GOLGA8J: variants seen among roughly 807,000 people sequenced by gnomAD.
GOLGA8J encodes golgin A8 family member J.
In GOLGA8J, 19 loss-of-function variants were observed where a neutral mutation model predicts 67.7. That is an observed-to-expected ratio of 0.28 (90% CI 0.20 to 0.41). The LOEUF is 0.41. Ranked by LOEUF, GOLGA8J falls within the 10% of genes least tolerant of loss-of-function variation. The pLI is 1.00. For synonymous variants in GOLGA8J, 69 were observed against 215.9 expected, an observed-to-expected ratio of 0.32 and a Z score of 5.97; for missense variants, 205 against 584.3, an observed-to-expected ratio of 0.35 and a Z score of 6.69.
In GOLGA8J at chr15:30,095,507, C is replaced by T. The variant is rs549485292; in HGVS notation, c.*2008C>T. On this transcript the variant is annotated 3_prime_UTR_variant, in exon 19 of 19. Coordinates refer to ENST00000567927, the MANE Select transcript of GOLGA8J (RefSeq NM_001282472.2). ...ATTAACAGTGGTACGATTTGTAGCCCGTGGGTTTAAAATGCACTTAAAGTC... is the reference window on the plus strand; with the variant it reads ...ATTAACAGTGGTACGATTTGTAGCCTGTGGGTTTAAAATGCACTTAAAGTC... Among the ~76,000 whole-genome samples, 48 of 143,930 alleles carry T rather than the reference C, an allele frequency of 3.3e-4. No individual in the cohort carries two copies. The highest frequency in any genetic ancestry group is 4.8e-4 in the Non-Finnish European group (32 of 66,562). 94.4% of individuals were successfully genotyped at this position (143,930 alleles called of 152,430 possible). A position where few individuals can be genotyped will look rare whatever the true frequency, so the allele number is the denominator to read the frequency against.
chr15:30,084,821 C>T lies in GOLGA8J; in HGVS notation c.99C>T (p.Asn33=). 2 of 1,327,774 alleles carry T rather than the reference C, an allele frequency of 1.5e-6. No individual in the cohort carries two copies. The highest frequency in any genetic ancestry group is 2.8e-5 in the South Asian group (2 of 72,538). 82.2% of individuals were successfully genotyped at this position (1,327,774 alleles called of 1,614,324 possible). A position where few individuals can be genotyped will look rare whatever the true frequency, so the allele number is the denominator to read the frequency against. Residue 33 remains asparagine, a synonymous_variant, in exon 2 of 19, where the codon AAC becomes AAT. Coordinates refer to ENST00000567927, the MANE Select transcript of GOLGA8J (RefSeq NM_001282472.2). ...KNSPRVPAGA[N]RNRKTNGSIP... ...GCCCTAGAGTTCCAGCAGGAGCGAA[C>T]AGGAACAGGAAAACAAATGGCAGTA...
Position 30,089,901 on chromosome 15 carries a change from A to G in GOLGA8J, c.1076A>G (p.Glu359Gly), listed in dbSNP as rs1181027024. 5 of 1,518,002 alleles carry G rather than the reference A, an allele frequency of 3.3e-6. 1 individual carries two copies. Among genetic ancestry groups the G allele is most frequent in the Non-Finnish European group, 3.5e-6 (4 of 1,140,710 alleles). The allele number at this position is 1,518,002 out of a possible 1,614,324, so 94.0% of individuals were successfully genotyped here. Reference protein sequence around the residue: ...RLRKQEERIQEQHKSLQQLAK... With the variant: ...RLRKQEERIQGQHKSLQQLAK... ...CGGAAGCAGGAGGAGAGGATTCAGG[A>G]GCAGCACAAGAGCCTTCAGCAGCTG... The change falls in exon 12 of 19, where the codon GAG becomes GGG. Residue 359 changes from glutamate (E) to glycine (G), a missense_variant. By Grantham distance (98) the Glu-to-Gly change is moderately conservative (BLOSUM62 -2). Transcript: ENST00000567927.
In GOLGA8J at chr15:30,096,077, A is replaced by T. The variant is rs923955631; in HGVS notation, c.*2578A>T. On this transcript the variant is annotated 3_prime_UTR_variant, in exon 19 of 19. Transcript: ENST00000567927. Reference sequence around the variant, plus strand: ...CGAGTATTTGTGCTCTTCCTCATTCAGTATAAGGCAGCTTTCAGTTTGCTT... The same window carrying T: ...CGAGTATTTGTGCTCTTCCTCATTCTGTATAAGGCAGCTTTCAGTTTGCTT... Among the ~76,000 whole-genome samples, 4 of 139,870 alleles carry T rather than the reference A, an allele frequency of 2.9e-5. No homozygotes were observed. Among genetic ancestry groups the T allele is most frequent in the African/African-American group, 1.2e-4 (4 of 33,438 alleles). The allele number at this position is 139,870 out of a possible 152,430, so 91.8% of individuals were successfully genotyped here. A position where few individuals can be genotyped will look rare whatever the true frequency, so the allele number is the denominator to read the frequency against.
rs201313387 is a variant in GOLGA8J at position 30,084,797 on chromosome 15, C to A, written c.75C>A (p.Ser25Arg). Residue 25 changes from serine (S) to arginine (R), a missense_variant, in exon 2 of 19, where the codon AGC becomes AGA. Ser to Arg is a moderately radical substitution (Grantham distance 110). Coordinates refer to ENST00000567927, the MANE Select transcript of GOLGA8J (RefSeq NM_001282472.2). ...TAAAAGAATATTGGCAGAAAAACAG[C>A]CCTAGAGTTCCAGCAGGAGCGAACA... Reference protein sequence around the residue: ...KKLKEYWQKNSPRVPAGANRN... With the variant: ...KKLKEYWQKNRPRVPAGANRN... 767 of 1,215,886 alleles carry A rather than the reference C, an allele frequency of 6.3e-4. 48 individuals are homozygous for A. Among genetic ancestry groups the A allele is most frequent in the South Asian group, 3.4e-3 (235 of 69,462 alleles). The allele number at this position is 1,215,886 out of a possible 1,614,324, so 75.3% of individuals were successfully genotyped here. A position where few individuals can be genotyped will look rare whatever the true frequency, so the allele number is the denominator to read the frequency against.
rs1185033965 is a variant in GOLGA8J at position 30,094,971 on chromosome 15, C to G, written c.*1472C>G. On this transcript the variant is annotated 3_prime_UTR_variant, in exon 19 of 19. Transcript: ENST00000567927. ...TCACAGAGTTATATTTTCTCACAGA[C>G]TTCTTTACAAAGTGAAATATGTTTT... 7.0e-6 allele frequency among the ~76,000 whole-genome samples: 1 copy of G among 142,028 alleles called. No homozygotes were observed. The highest frequency in any genetic ancestry group is 1.5e-5 in the Non-Finnish European group (1 of 66,860). 93.2% of individuals were successfully genotyped at this position (142,028 alleles called of 152,430 possible).
chr15:30,093,208 C>G lies in GOLGA8J; in HGVS notation c.1692C>G (p.Pro564=), dbSNP rs980902455. The change falls in exon 18 of 19, where the codon CCC becomes CCG. Residue 564 remains proline (P), a synonymous_variant. Coordinates refer to ENST00000567927, the MANE Select transcript of GOLGA8J (RefSeq NM_001282472.2). The stretch of plus-strand genomic sequence containing the variant: ...AGCCCGGTCCAGGAGCCCCAGCCCC[C>G]CAGGAGCTTGGGGCTGCAGACAAGC... ...ADEPGPGAPA[P]QELGAADKHG... is the part of the protein sequence containing the mutation. 4 of 1,576,476 alleles carry G rather than the reference C, an allele frequency of 2.5e-6. No homozygotes were observed. Among genetic ancestry groups the G allele is most frequent in the Non-Finnish European group, 3.4e-6 (4 of 1,170,212 alleles).
rs879041057 is a variant in GOLGA8J, at chr15:30,088,617, T to G, written c.592-123T>G. The G allele has an allele frequency of 1.3e-4, 108 of 846,730 alleles. 1 individual carries two copies. Among genetic ancestry groups the G allele is most frequent in the East Asian group, 5.8e-4 (22 of 37,718 alleles). The allele number at this position is 846,730 out of a possible 1,614,324, so 52.5% of individuals were successfully genotyped here. A position where few individuals can be genotyped will look rare whatever the true frequency, so the allele number is the denominator to read the frequency against. On this transcript the variant is annotated intron_variant, in intron 8 of 18. Transcript: ENST00000567927. The stretch of plus-strand genomic sequence containing the variant: ...TCTTTTAAAAACCAGACCACGGGCT[T>G]GGAAATGCCTTGATCTTTACTGACC...
At chr15:30,092,007 G>T in intron 14 of GOLGA8J, 35 bp from the exon 15 acceptor site, 1 of 1,595,024 alleles carries the variant, frequency 6.3e-7, no homozygotes, top group Non-Finnish European at 8.5e-7. Flanking sequence ...TCCCTTGTTG[G>T]GTTGTCTGAA....
Position 30,092,824 on chromosome 15 carries a change from G to C in GOLGA8J, c.1469+16G>C, listed in dbSNP as rs1244796470. 5.1e-6 allele frequency: 8 copies of C among 1,561,448 alleles called. 1 individual carries two copies. Among genetic ancestry groups the C allele is most frequent in the Middle Eastern group, 1.9e-4 (1 of 5,152 alleles). ...GATGCCATCAGTGAGTGGGAGGCCA[G>C]GGCACGGCAGGGGGAGCTACAGGGC... On this transcript the variant is annotated intron_variant, in intron 16 of 18. Coordinates refer to ENST00000567927, the MANE Select transcript of GOLGA8J (RefSeq NM_001282472.2).
intron 8 of GOLGA8J, chr15:30,088,078 T>C (rs1304701642): frequency 2.2e-6 from 1 of 458,434 alleles, no homozygotes; most frequent in African/African-American, 2.5e-5. Context: ...TGTGTGTGTG[T>C]GCATACTGTG....
chr15:30,087,913 A>C, intron 8 of GOLGA8J: 2 of 657,362 alleles, frequency 3.0e-6, no homozygotes, highest in Non-Finnish European at 5.5e-6. Context: ...TTGGAGGCCA[A>C]GTGCCTGCCC....
At chr15:30,089,602 A>G in intron 11 of GOLGA8J, 98 bp from the exon 12 acceptor site, 1 of 604,252 alleles carries the variant, frequency 1.7e-6, no homozygotes, top group Non-Finnish European at 2.8e-6. Flanking sequence ...ATTAGCAGTG[A>G]GGCCAAGTTT....
chr15:30,094,125 T>C lies in GOLGA8J; in HGVS notation c.*626T>C, dbSNP rs1219067588. Among the ~76,000 whole-genome samples, 1 of 146,694 alleles carries C rather than the reference T, an allele frequency of 6.8e-6. No homozygotes were observed. The highest frequency in any genetic ancestry group is 1.5e-5 in the Non-Finnish European group (1 of 67,548). ...GTGATAACCTTTTGGGGGAGCTTTT[T>C]AAATCTCACAGAAGAGGAAAGTGGC... On this transcript the variant is annotated 3_prime_UTR_variant, in exon 19 of 19. Coordinates refer to ENST00000567927, the MANE Select transcript of GOLGA8J (RefSeq NM_001282472.2).
rs1037608765 is a variant in GOLGA8J at position 30,094,269 on chromosome 15, T to C, written c.*770T>C. Among the ~76,000 whole-genome samples the C allele has an allele frequency of 6.8e-6, 1 of 146,390 alleles. No homozygotes were observed. Among genetic ancestry groups the C allele is most frequent in the African/African-American group, 2.7e-5 (1 of 37,236 alleles). ...ATGTGCTCTGGGCTCATGAAGATAC[T>C]GCATCATGAGCTGCAGCAGTTGTAC... On this transcript the variant is annotated 3_prime_UTR_variant, in exon 19 of 19. Transcript: ENST00000567927.
At chr15:30,084,980 C>G in intron 2 of GOLGA8J, 90 bp downstream of exon 2, 1 of 1,419,318 alleles carries the variant, frequency 7.0e-7, no homozygotes, top group Non-Finnish European at 9.1e-7. Flanking sequence ...CTGCTGGGTA[C>G]TGGTTAAGAA....
chr15:30,094,933 CGT>C lies in GOLGA8J; in HGVS notation c.*1437_*1438del, dbSNP rs1244665566. On this transcript the variant is annotated 3_prime_UTR_variant, in exon 19 of 19. Coordinates refer to ENST00000567927, the MANE Select transcript of GOLGA8J (RefSeq NM_001282472.2). ...TGAATGTCAATGTATTATCAGGAAA[CGT>C]GTCTATACAATCACAGAGTTATATT... Among the ~76,000 whole-genome samples the C allele has an allele frequency of 1.4e-5, 2 of 137,952 alleles. No individual in the cohort carries two copies. The highest frequency in any genetic ancestry group is 1.5e-5 in the Non-Finnish European group (1 of 66,282). 90.5% of individuals were successfully genotyped at this position (137,952 alleles called of 152,430 possible). A position where few individuals can be genotyped will look rare whatever the true frequency, so the allele number is the denominator to read the frequency against.
At position 30,092,120 on chromosome 15, in the gene GOLGA8J, G is replaced by T. The variant is rs775207926; in HGVS notation, c.1355G>T (p.Ser452Ile). The change falls in exon 15 of 19, where the codon AGC (serine) becomes ATC (isoleucine). Residue 452 changes from serine (S) to isoleucine (I), a missense_variant. Coordinates refer to ENST00000567927, the MANE Select transcript of GOLGA8J (RefSeq NM_001282472.2). ...CCGAGTGTCCCAGAGGACCCGGAGA[G>T]CAGGGAGGCCATGGTGAGCCTGACT... ...PMPSVPEDPE[S>I]REAMSSFMDH... The T allele has an allele frequency of 9.7e-6, 15 of 1,545,144 alleles. 1 individual carries two copies. Among genetic ancestry groups the T allele is most frequent in the Admixed American group, 3.7e-5 (2 of 53,608 alleles).
Position 30,089,455 on chromosome 15 carries a change from C to T in GOLGA8J, c.874+132C>T, listed in dbSNP as rs545835709. ...AGGGAAAGAGATCTGTGCCAGGAGA[C>T]GGCGAGTCTTGTCATCTCAATGAGT... On this transcript the variant is annotated intron_variant, in intron 11 of 18. Coordinates refer to ENST00000567927, the MANE Select transcript of GOLGA8J (RefSeq NM_001282472.2). 1.6e-4 allele frequency: 96 copies of T among 591,220 alleles called. 4 individuals carry two copies. In the East Asian group the frequency reaches 2.2e-3, roughly 13 times the overall value. 36.6% of individuals were successfully genotyped at this position (591,220 alleles called of 1,614,324 possible).
chr15:30,090,029 G>T, intron 12 of GOLGA8J, 73 bp downstream of exon 12: 1 of 1,419,926 alleles, frequency 7.0e-7, no homozygotes, highest in Non-Finnish European at 9.2e-7. Flanking sequence ...CCTCTAAAAT[G>T]GGGCAGTGTA....
Sources: gnomAD v4.1 joint callset for allele counts (sites outside exome capture counted in the v4.1 genomes callset) on GRCh38, gnomAD v4.1.1 for gene constraint, MANE v1.5 for transcripts, NCBI Gene and HGNC (gene_info 2026-07-23, HGNC 2026-07-21) for gene names.